EEF2K: variants seen among roughly 807,000 people sequenced by gnomAD.
The protein encoded by EEF2K is eukaryotic elongation factor 2 kinase.
In EEF2K, 70 loss-of-function variants were observed where a neutral mutation model predicts 93.8. That is an observed-to-expected ratio of 0.75 (90% confidence interval 0.62 to 0.91). EEF2K has a LOEUF of 0.91. Ranked by LOEUF, EEF2K falls within the 40% of genes least tolerant of loss-of-function variation. The pLI is 0.00. For synonymous variants in EEF2K, 376 were observed against 380.8 expected (o/e 0.99, Z 0.15); for missense variants, 935 against 972.9 (o/e 0.96, Z 0.52).
At chr16:22,259,815 TG>T (rs949156120) in intron 10 of EEF2K, among the ~76,000 whole-genome samples, 19 of 152,160 alleles carry the variant, frequency 1.2e-4, no homozygotes, top group African/African-American at 4.6e-4. Context: ...TGCGGTGGCG[TG>T]ATCTTGGCTC....
At chr16:22,220,336 G>A (rs528092733) in intron 1 of EEF2K, among the ~76,000 whole-genome samples, 1 of 152,226 alleles carries the variant, frequency 6.6e-6, no homozygotes, top group African/African-American at 2.4e-5. Context: ...GGACATGGCC[G>A]AGGGCCGAGC....
intron 6 of EEF2K, among the ~76,000 whole-genome samples, chr16:22,253,543 T>C (rs1191109959): frequency 6.6e-6 from 1 of 152,122 alleles, no homozygotes; most frequent in Non-Finnish European, 1.5e-5. Flanking sequence ...AATTCTTGCA[T>C]GGCTAGCTAC....
chr16:22,250,502 G>T, intron 4 of EEF2K, 152 bp from the exon 5 acceptor site: 1 of 890,322 alleles, frequency 1.1e-6, no homozygotes. Flanking sequence ...TTGGTGCTGA[G>T]ACATAGAAGG....
At chr16:22,266,659 C>A in intron 14 of EEF2K, 29 bp from the exon 15 acceptor site, 1 of 1,589,302 alleles carries the variant, frequency 6.3e-7, no homozygotes, top group South Asian at 1.2e-5. Flanking sequence ...CGCCAGACAG[C>A]CAGGCCGACA....
intron 11 of EEF2K, among the ~76,000 whole-genome samples, chr16:22,261,623 G>A (rs1469854829): frequency 6.6e-6 from 1 of 151,598 alleles, no homozygotes; most frequent in African/African-American, 2.4e-5. Flanking sequence ...CCAGGAGGCG[G>A]AGGTTGCAGT....
chr16:22,248,711 C>T (rs1400248135), intron 3 of EEF2K, 44 bp from the exon 4 acceptor site: 1 of 1,610,348 alleles, frequency 6.2e-7, no homozygotes, highest in Non-Finnish European at 8.5e-7. Context: ...AGAAACAGGA[C>T]CACGTGATGG....
chr16:22,217,017 T>C (rs566029289), intron 1 of EEF2K, among the ~76,000 whole-genome samples: 2 of 151,444 alleles, frequency 1.3e-5, no homozygotes, highest in African/African-American at 4.8e-5. Context: ...AAAAATTAGC[T>C]GGGTATGGTG....
At chr16:22,273,565 G>A in intron 15 of EEF2K, 61 bp from the exon 16 acceptor site, 1 of 1,588,470 alleles carries the variant, frequency 6.3e-7, no homozygotes, top group Non-Finnish European at 8.6e-7. Context: ...TGAGATCTTG[G>A]CAGCCCTCGA....
chr16:22,277,863 G>A (rs978923426), intron 16 of EEF2K, among the ~76,000 whole-genome samples: 19 of 151,992 alleles, frequency 1.3e-4, no homozygotes, highest in Admixed American at 7.2e-4. Flanking sequence ...GTATGCCAGC[G>A]TCTTGCATGG....
At chr16:22,217,471 TCTCA>T (rs1463208194) in intron 1 of EEF2K, among the ~76,000 whole-genome samples, 1 of 151,786 alleles carries the variant, frequency 6.6e-6, no homozygotes, top group Non-Finnish European at 1.5e-5. Context: ...TTGGACAGAG[TCTCA>T]CTCTGTCGCC....
chr16:22,248,659 G>A, intron 3 of EEF2K, 96 bp from the exon 4 acceptor site: 1 of 1,486,054 alleles, frequency 6.7e-7, no homozygotes, highest in Non-Finnish European at 9.3e-7. Flanking sequence ...TGGTTCTGAG[G>A]TCAGTGGGGA....
At chr16:22,275,235 T>C (rs566377295) in intron 16 of EEF2K, among the ~76,000 whole-genome samples, 1 of 152,300 alleles carries the variant, frequency 6.6e-6, no homozygotes, top group Admixed American at 6.5e-5. Context: ...CCATTTGAGG[T>C]GATAAGTTTT....
intron 6 of EEF2K, among the ~76,000 whole-genome samples, chr16:22,254,122 A>G (rs1001339364): frequency 3.3e-5 from 5 of 149,726 alleles, no homozygotes; most frequent in Admixed American, 3.3e-4. Flanking sequence ...TAGTAGTAGT[A>G]GTAACAATAA....
intron 3 of EEF2K, among the ~76,000 whole-genome samples, chr16:22,245,367 C>A (rs1202984995): frequency 2.0e-5 from 3 of 152,020 alleles, no homozygotes; most frequent in African/African-American, 7.2e-5. Flanking sequence ...CACTTCAAAC[C>A]CATGTCATTC....
chr16:22,218,301 G>T (rs954350543), intron 1 of EEF2K, among the ~76,000 whole-genome samples: 2 of 152,352 alleles, frequency 1.3e-5, no homozygotes, highest in Non-Finnish European at 1.5e-5. Flanking sequence ...AGTCAAGGGC[G>T]TGTGGGTTGT....
chr16:22,251,436 T>C, intron 6 of EEF2K, 114 bp downstream of exon 6: 1 of 1,289,534 alleles, frequency 7.8e-7, no homozygotes, highest in Non-Finnish European at 1.0e-6. Flanking sequence ...TTTTTTGAGA[T>C]GAAGTCTTGC....
chr16:22,222,729 CA>C (rs1260495972), intron 1 of EEF2K, among the ~76,000 whole-genome samples: 5 of 114,700 alleles, frequency 4.4e-5, no homozygotes, highest in African/African-American at 1.0e-4. Context: ...AAAAAAAATA[CA>C]AAAATTAGCT....
chr16:22,264,225 G>A (rs927298484), intron 12 of EEF2K, among the ~76,000 whole-genome samples: 6 of 149,766 alleles, frequency 4.0e-5, no homozygotes, highest in Non-Finnish European at 5.9e-5. Flanking sequence ...CTGGGAGGTG[G>A]AGGTTGCAGT....
intron 1 of EEF2K, among the ~76,000 whole-genome samples, chr16:22,220,257 T>C (rs2142103084): frequency 6.6e-6 from 1 of 152,350 alleles, no homozygotes; most frequent in South Asian, 2.1e-4. Flanking sequence ...TACAAGGCGC[T>C]GTGCCAGGCA....
Sources: allele counts gnomAD v4.1 joint callset (sites outside exome capture counted in the v4.1 genomes callset), GRCh38; gene constraint gnomAD v4.1.1; transcripts MANE v1.5; gene names NCBI Gene and HGNC (gene_info 2026-07-23, HGNC 2026-07-21).